Variants in RADIL observed in about 807,000 individuals in gnomAD.
RADIL encodes the protein Rap associating with DIL domain.
In RADIL, 99 loss-of-function variants were observed where a neutral mutation model predicts 97.6. The ratio of observed to expected loss-of-function variants is 1.01; its 90% CI spans 0.86 to 1.20. The LOEUF is 1.20. Ranked by LOEUF, RADIL falls within the 50% of genes most tolerant of loss-of-function variation. The pLI is 0.00. For synonymous variants in RADIL, 803 were observed against 691.8 expected, an observed-to-expected ratio of 1.16 and a Z score of -2.52; for missense variants, 1,765 against 1,498.9, an observed-to-expected ratio of 1.18 and a Z score of -2.93.
In RADIL at chr7:4,817,298, C is replaced by T. The variant is rs760939515; in HGVS notation, c.1669G>A (p.Ala557Thr). 1.2e-6 allele frequency: 2 copies of T among 1,612,610 alleles called. No individual in the cohort carries two copies. The highest frequency in any genetic ancestry group is 2.2e-5 in the South Asian group (2 of 91,060). Residue 557 changes from alanine to threonine, a missense_variant, in exon 7 of 15, where the codon GCG becomes ACG. Physicochemically the swap from Ala to Thr is moderately conservative, Grantham distance 58. Transcript: ENST00000399583. This position sits in a 1 kb window ranked among gnomAD's most constrained non-coding sequence, Gnocchi z 8.3. ...TACAGCACCACCTCCTCCAGCACCG[C>T]CATGGCCTCCTCGCTGGCCGTCAGC... ...CTLTASEEAMAVLEEVVLYAF... is the reference protein window; with the variant it reads ...CTLTASEEAMTVLEEVVLYAF...
intron 5 of RADIL, among the ~76,000 whole-genome samples, chr7:4,826,554 G>A (rs1782983825): frequency 6.6e-6 from 1 of 151,832 alleles, no homozygotes; most frequent in Non-Finnish European, 1.5e-5. Context: ...CCAATATGGT[G>A]AACCCCTGTC....
intron 2 of RADIL, among the ~76,000 whole-genome samples, chr7:4,874,192 CTGTG>C (rs1784317022): frequency 6.6e-6 from 1 of 152,228 alleles, no homozygotes; most frequent in Non-Finnish European, 1.5e-5. Context: ...AAGTGGGAGA[CTGTG>C]TGTGTGAGCA....
rs1433343363 is a variant in RADIL, at chr7:4,849,122, GA to G, written c.536-12518del. Among the ~76,000 whole-genome samples the G allele has an allele frequency of 3.6e-5, 5 of 138,706 alleles. No homozygotes were observed. 91.0% of individuals were successfully genotyped at this position (138,706 alleles called of 152,430 possible). A position where few individuals can be genotyped will look rare whatever the true frequency, so the allele number is the denominator to read the frequency against. The stretch of plus-strand genomic sequence containing the variant: ...CATTGCACTCCAGCCTGGGCAACAA[GA>G]GGGAAATTCTGTCTCAAAAAAAAAA... On this transcript the variant is annotated intron_variant, in intron 2 of 14. Transcript: ENST00000399583. This position sits in a 1 kb window ranked among gnomAD's most constrained non-coding sequence, Gnocchi z 5.4.
rs60509640 is a variant in RADIL, at chr7:4,815,593, G to A, written c.1967-143C>T. The A allele has an allele frequency of 1.4e-5, 13 of 937,546 alleles. No homozygotes were observed. Among genetic ancestry groups the A allele is most frequent in the Admixed American group, 3.4e-5 (1 of 29,198 alleles). 58.1% of individuals were successfully genotyped at this position (937,546 alleles called of 1,614,324 possible). On this transcript the variant is annotated intron_variant, in intron 8 of 14. Transcript: ENST00000399583. This position sits in a 1 kb window ranked among gnomAD's most constrained non-coding sequence, Gnocchi z 8.0. ...GATGACAGGCAGGACACCTTCCCTC[G>A]GTTTTCAAGGCAACTGACCAGCCTT...
rs139048037 is a variant in RADIL, at chr7:4,883,556, C to A, written c.-65+40G>T. On this transcript the variant is annotated intron_variant, in intron 1 of 14. Transcript: ENST00000399583. The surrounding 1 kb of genome is among the most constrained non-coding windows in gnomAD (Gnocchi z 7.1). ...CCGAGCAGCGCCCCTTACGAGCCAC[C>A]CCCGGTTCCGCAGTCACTCCTCGCG... The A allele has an allele frequency of 0.022, 3,380 of 152,478 alleles. 42 individuals carry two copies. The highest frequency in any genetic ancestry group is 0.057 in the Middle Eastern group (17 of 296). 9.4% of individuals were successfully genotyped at this position (152,478 alleles called of 1,614,324 possible). A position where few individuals can be genotyped will look rare whatever the true frequency, so the allele number is the denominator to read the frequency against.
At position 4,878,273 on chromosome 7, in the gene RADIL, G is replaced by A; in HGVS notation, c.-64-70C>T. 2.0e-6 allele frequency: 2 copies of A among 1,024,194 alleles called. No homozygotes were observed. Among genetic ancestry groups the A allele is most frequent in the East Asian group, 2.7e-5 (1 of 37,724 alleles). 63.4% of individuals were successfully genotyped at this position (1,024,194 alleles called of 1,614,324 possible). On this transcript the variant is annotated intron_variant, in intron 1 of 14. Transcript: ENST00000399583. This position sits in a 1 kb window ranked among gnomAD's most constrained non-coding sequence, Gnocchi z 4.1. ...CCAAGAGCAAATGAGGCCACAGGCG[G>A]TGACTCCTGCCCGTCATCCCAGCGC...
intron 2 of RADIL, among the ~76,000 whole-genome samples, chr7:4,870,142 ACAACAACAACAG>A (rs564366310): frequency 1.0e-3 from 159 of 151,922 alleles, no homozygotes; most frequent in Middle Eastern, 3.4e-3. Flanking sequence ...CCTGTCTCAA[ACAACAACAACAG>A]CAACAACAAC....
At chr7:4,863,367 G>C (rs1583318715) in intron 2 of RADIL, among the ~76,000 whole-genome samples, 1 of 152,158 alleles carries the variant, frequency 6.6e-6, no homozygotes, top group Non-Finnish European at 1.5e-5. Flanking sequence ...ATGCTCTTGA[G>C]AAACTGTATA....
At position 4,822,480 on chromosome 7, in the gene RADIL, A is replaced by G. The variant is rs1433511979; in HGVS notation, c.1529T>C (p.Met510Thr). 3.7e-6 allele frequency: 6 copies of G among 1,613,074 alleles called. No individual in the cohort carries two copies. The highest frequency in any genetic ancestry group is 3.3e-5 in the Admixed American group (2 of 60,022). ...GTACAGGAGCTCGATGGAGTTAGAC[A>G]TCCAGAAAAGAATGGGCTGCAAGTC... The part of the protein sequence containing the change: ...VPDLQPILFW[M>T]SNSIELLYFI... The change falls in exon 6 of 15, where the codon ATG becomes ACG. Residue 510 changes from methionine to threonine, a missense_variant. Transcript: ENST00000399583. This position sits in a 1 kb window ranked among gnomAD's most constrained non-coding sequence, Gnocchi z 5.3.
At chr7:4,848,714 G>A (rs976962615) in intron 2 of RADIL, among the ~76,000 whole-genome samples, 1 of 152,126 alleles carries the variant, frequency 6.6e-6, no homozygotes, top group Non-Finnish European at 1.5e-5. Flanking sequence ...GAGAAGATCG[G>A]GCAATAGGAA....
intron 2 of RADIL, among the ~76,000 whole-genome samples, chr7:4,841,274 C>T (rs78288636): frequency 0.015 from 2,231 of 152,332 alleles, 32 homozygotes; most frequent in Middle Eastern, 0.027. Flanking sequence ...CCTGGCGTGA[C>T]TGAGTTCACT....
chr7:4,804,914 G>A (rs929915822), intron 10 of RADIL, among the ~76,000 whole-genome samples: 14 of 151,926 alleles, frequency 9.2e-5, no homozygotes, highest in African/African-American at 3.1e-4. Context: ...GGCTAAGATG[G>A]TGAAACCCGT....
rs1338350374 is a variant in RADIL, at chr7:4,861,443, C to G, written c.535+16162G>C. 1.9e-6 allele frequency: 3 copies of G among 1,614,144 alleles called. No individual in the cohort carries two copies. The South Asian group carries it at 3.3e-5, about 18-fold the overall frequency. ...GAAAAAGTCGCTTCGATCCACATGA[C>G]TTGGTGCAACGCACAAGGCGTCAAT... is the stretch of plus-strand genomic sequence containing the variant. On this transcript the variant is annotated intron_variant, in intron 2 of 14. Coordinates refer to ENST00000399583, the MANE Select transcript of RADIL (RefSeq NM_018059.5).
chr7:4,823,155 C>T (rs966932031), intron 5 of RADIL, among the ~76,000 whole-genome samples: 10 of 152,062 alleles, frequency 6.6e-5, no homozygotes, highest in African/African-American at 1.9e-4. Context: ...CAGAGGCAAT[C>T]GTTAGAAACC....
In RADIL at chr7:4,822,467, G is replaced by C; in HGVS notation, c.1542C>G (p.Ile514Met). The change falls in exon 6 of 15, where the codon ATC becomes ATG. Residue 514 changes from isoleucine (I) to methionine (M), a missense_variant. Physicochemically the swap from Ile to Met is conservative, Grantham distance 10. Coordinates refer to ENST00000399583, the MANE Select transcript of RADIL (RefSeq NM_018059.5). This position sits in a 1 kb window ranked among gnomAD's most constrained non-coding sequence, Gnocchi z 5.3. ...QPILFWMSNS[I>M]ELLYFIQQKC... Reference sequence around the variant, plus strand: ...TCTGCTGGATAAAGTACAGGAGCTCGATGGAGTTAGACATCCAGAAAAGAA... The same window carrying C: ...TCTGCTGGATAAAGTACAGGAGCTCCATGGAGTTAGACATCCAGAAAAGAA... The C allele has an allele frequency of 6.2e-7, 1 of 1,613,036 alleles. No individual in the cohort carries two copies. Among genetic ancestry groups the C allele is most frequent in the Middle Eastern group, 1.6e-4 (1 of 6,062 alleles).
chr7:4,826,139 T>C (rs1208350883), intron 5 of RADIL, among the ~76,000 whole-genome samples: 4 of 151,430 alleles, frequency 2.6e-5, no homozygotes, highest in Non-Finnish European at 4.4e-5. Context: ...GCCCAGGAGG[T>C]TGAGGCTGCA....
chr7:4,810,087 A>G (rs1187352806), intron 9 of RADIL, among the ~76,000 whole-genome samples: 2 of 152,152 alleles, frequency 1.3e-5, no homozygotes, highest in Non-Finnish European at 2.9e-5. Flanking sequence ...TCCTGACCTC[A>G]GGTGATCCAC....
rs1473439249 is a variant in RADIL at position 4,824,208 on chromosome 7, G to GGAT, written c.1455-1657_1455-1655dup. 6.6e-6 allele frequency among the ~76,000 whole-genome samples: 1 copy of GGAT among 152,232 alleles called. No individual in the cohort carries two copies. Among genetic ancestry groups the GGAT allele is most frequent in the East Asian group, 1.9e-4 (1 of 5,198 alleles). On this transcript the variant is annotated intron_variant, in intron 5 of 14. Coordinates refer to ENST00000399583, the MANE Select transcript of RADIL (RefSeq NM_018059.5). This position sits in a 1 kb window ranked among gnomAD's most constrained non-coding sequence, Gnocchi z 6.7. ...TTGTCACCTGTGTCCCTTACTGGGG[G>GGAT]GATTCTAAGGGGTGAGCCAGGCAGC...
chr7:4,871,565 C>T (rs1187579184), intron 2 of RADIL, among the ~76,000 whole-genome samples: 1 of 152,332 alleles, frequency 6.6e-6, no homozygotes, highest in Admixed American at 6.5e-5. Context: ...CATCGCAGCA[C>T]TGGGGGCAGG....
Sources: allele counts gnomAD v4.1 joint callset (sites outside exome capture counted in the v4.1 genomes callset), GRCh38; gene constraint gnomAD v4.1.1; non-coding constraint Gnocchi (gnomAD v3.1); transcripts MANE v1.5; gene names NCBI Gene and HGNC (gene_info 2026-07-23, HGNC 2026-07-21).